Variants in FANK1 observed in about 807,000 individuals in gnomAD.
FANK1 encodes the protein fibronectin type III and ankyrin repeat domains 1, also known as fibronectin type 3 and ankyrin repeat domains protein 1.
A neutral mutation model predicts 45.3 loss-of-function variants in FANK1; 44 were observed. That is an observed-to-expected ratio of 0.97 (90% CI 0.76 to 1.25). The LOEUF (loss-of-function observed/expected upper bound fraction) is 1.25. FANK1 is among the 50% of genes most tolerant of loss of function. The probability of loss-of-function intolerance (pLI) is 0.00; values close to 1 mark genes in which losing one functional copy is unlikely to be tolerated. For missense variants in FANK1, 391 were observed against 424.4 expected (o/e 0.92, Z 0.69); for synonymous variants, 149 against 152.5 (o/e 0.98, Z 0.17).
At chr10:125,966,714 T>C (rs918423365) in intron 1 of FANK1, among the ~76,000 whole-genome samples, 1 of 152,218 alleles carries the variant, frequency 6.6e-6, no homozygotes. Context: ...TTATTCTTGG[T>C]TTATTTTTAT....
At chr10:125,929,765 C>T (rs548612239) in intron 1 of FANK1, among the ~76,000 whole-genome samples, 2 of 152,298 alleles carry the variant, frequency 1.3e-5, no homozygotes, top group African/African-American at 2.4e-5. Flanking sequence ...TGAAACTACA[C>T]GCCACAGTGT....
intron 1 of FANK1, among the ~76,000 whole-genome samples, chr10:125,900,391 G>A (rs1444340516): frequency 6.7e-6 from 1 of 149,424 alleles, no homozygotes; most frequent in African/African-American, 2.5e-5. Context: ...TAGTTCAATA[G>A]TACTATCTCT....
chr10:125,921,967 T>C (rs1946976675), intron 1 of FANK1, among the ~76,000 whole-genome samples: 1 of 152,212 alleles, frequency 6.6e-6, no homozygotes, highest in African/African-American at 2.4e-5. Flanking sequence ...TAAATATTAC[T>C]GATTTAGTCT....
chr10:125,900,320 G>T (rs1011279063), intron 1 of FANK1, among the ~76,000 whole-genome samples: 11 of 151,012 alleles, frequency 7.3e-5, no homozygotes, highest in African/African-American at 2.4e-4. Context: ...CATGGAAAAC[G>T]TACATCACTT....
At chr10:125,980,121 GA>G in intron 1 of FANK1, 39 bp from the exon 2 acceptor site, 2 of 1,589,144 alleles carry the variant, frequency 1.3e-6, no homozygotes, top group Non-Finnish European at 1.7e-6. Context: ...CTTCCTTATG[GA>G]AACTGGGTCC....
At chr10:125,962,450 G>A (rs192565900) in intron 1 of FANK1, among the ~76,000 whole-genome samples, 11 of 152,118 alleles carry the variant, frequency 7.2e-5, no homozygotes, top group East Asian at 5.8e-4. Flanking sequence ...ACAATTACAC[G>A]TATGTTAGAC....
At chr10:125,991,359 G>T (rs969800390) in intron 3 of FANK1, among the ~76,000 whole-genome samples, 1 of 152,028 alleles carries the variant, frequency 6.6e-6, no homozygotes, top group African/African-American at 2.4e-5. Context: ...CTCAACCTCA[G>T]GGGGGCTGTA....
At chr10:125,988,859 T>A in intron 3 of FANK1, 184 bp downstream of exon 3, 1 of 916,504 alleles carries the variant, frequency 1.1e-6, no homozygotes, top group Non-Finnish European at 1.7e-6. Flanking sequence ...GAAGTCTAAT[T>A]ATGCTTTCAC....
intron 1 of FANK1, among the ~76,000 whole-genome samples, chr10:125,956,188 T>C (rs1949558197): frequency 1.1e-5 from 1 of 93,250 alleles, no homozygotes. Flanking sequence ...CCAGTACTTC[T>C]ATGATACATT....
intron 1 of FANK1, among the ~76,000 whole-genome samples, chr10:125,905,282 T>TA (rs66941744): frequency 0.18 from 23,457 of 128,890 alleles, no homozygotes; most frequent in Non-Finnish European, 0.2. Context: ...TCACTAAGAT[T>TA]AAAAAAAAAA....
intron 1 of FANK1, among the ~76,000 whole-genome samples, chr10:125,936,336 T>C (rs1948094675): frequency 6.7e-6 from 1 of 149,178 alleles, no homozygotes; most frequent in Non-Finnish European, 1.5e-5. Flanking sequence ...TAACTTTTTA[T>C]AGAAATAAAA....
chr10:125,920,485 C>A (rs1417889253), intron 1 of FANK1, among the ~76,000 whole-genome samples: 1 of 152,154 alleles, frequency 6.6e-6, no homozygotes, highest in African/African-American at 2.4e-5. Context: ...TGAAAAACTT[C>A]TAATACTGTC....
chr10:125,954,807 G>C (rs1046002943), intron 1 of FANK1, among the ~76,000 whole-genome samples: 2 of 152,098 alleles, frequency 1.3e-5, no homozygotes, highest in East Asian at 3.9e-4. Context: ...GTAGTCTTCA[G>C]CTACTTGGGA....
At chr10:125,914,780 G>A (rs75899094) in intron 1 of FANK1, among the ~76,000 whole-genome samples, 2 of 152,030 alleles carry the variant, frequency 1.3e-5, no homozygotes, top group Admixed American at 6.6e-5. Flanking sequence ...GCTTATTTTC[G>A]CTGCCTGAAG....
chr10:125,914,292 T>TATATATATATATATATA (rs58995936), intron 1 of FANK1, among the ~76,000 whole-genome samples: 5 of 150,786 alleles, frequency 3.3e-5, no homozygotes, highest in South Asian at 2.1e-4. Flanking sequence ...TATATATATA[T>TATATATATATATATATA]TTAAAAAGTC....
chr10:125,963,969 C>CA (rs1295847721), intron 1 of FANK1, among the ~76,000 whole-genome samples: 7 of 150,520 alleles, frequency 4.7e-5, no homozygotes, highest in Admixed American at 1.3e-4. Flanking sequence ...AAGGGTAAGA[C>CA]AAAAAAAAGG....
chr10:125,989,322 C>T (rs879674078), intron 3 of FANK1: 7 of 1,551,070 alleles, frequency 4.5e-6, no homozygotes, highest in Middle Eastern at 1.7e-4. Flanking sequence ...AGGATGGTCA[C>T]AAGTGTTCTC....
At chr10:125,975,142 C>T (rs770267289) in intron 1 of FANK1, among the ~76,000 whole-genome samples, 6 of 152,190 alleles carry the variant, frequency 3.9e-5, no homozygotes, top group Non-Finnish European at 5.9e-5. Flanking sequence ...TGATAGCCTC[C>T]AGTTCCATCC....
At chr10:125,974,390 C>A (rs1338924118) in intron 1 of FANK1, among the ~76,000 whole-genome samples, 1 of 151,466 alleles carries the variant, frequency 6.6e-6, no homozygotes, top group African/African-American at 2.4e-5. Flanking sequence ...ATACAAGATC[C>A]TTTTTTTTTA....
Sources: allele counts gnomAD v4.1 joint callset (sites outside exome capture counted in the v4.1 genomes callset), GRCh38; gene constraint gnomAD v4.1.1; transcripts MANE v1.5; gene names NCBI Gene and HGNC (gene_info 2026-07-23, HGNC 2026-07-21).